DGKB: variants seen among roughly 807,000 people sequenced by gnomAD.
DGKB encodes diacylglycerol kinase beta, also known as 90 kDa diacylglycerol kinase.
Under a neutral mutation model 114.3 loss-of-function variants are expected in DGKB, and 67 were observed. That is an observed-to-expected ratio of 0.59 (90% CI 0.48 to 0.72). The LOEUF (loss-of-function observed/expected upper bound fraction) is 0.72, where lower values mean the gene tolerates loss of function less well. Among genes scored for constraint, DGKB ranks in the 30% least tolerant of loss-of-function variants. DGKB has a pLI of 0.00. For synonymous variants in DGKB, 398 were observed against 323.1 expected (o/e 1.23, Z -2.49); for missense variants, 907 against 975.2 (o/e 0.93, Z 0.93).
intron 21 of DGKB, among the ~76,000 whole-genome samples, chr7:14,446,725 A>G (rs1291037857): frequency 2.0e-5 from 3 of 152,134 alleles, no homozygotes; most frequent in Non-Finnish European, 2.9e-5. Context: ...TTCTGTCAAA[A>G]AGACTTTTGT....
chr7:14,920,835 A>T (rs541537781), intron 1 of DGKB, among the ~76,000 whole-genome samples: 2 of 150,442 alleles, frequency 1.3e-5, no homozygotes, highest in African/African-American at 2.5e-5. Context: ...ATGAGCTATG[A>T]AGCCAAGGAA....
At chr7:14,908,171 G>C (rs188756405), upstream of DGKB, among the ~76,000 whole-genome samples, 401 of 152,080 alleles carry the variant, frequency 2.6e-3, 2 homozygotes, top group African/African-American at 9.1e-3. Flanking sequence ...TTATTATTTA[G>C]ACCAATTGTT....
intron 23 of DGKB, among the ~76,000 whole-genome samples, chr7:14,306,285 C>G (rs1215606054): frequency 1.3e-5 from 2 of 151,976 alleles, no homozygotes; most frequent in East Asian, 1.9e-4. Context: ...CTTAATAATG[C>G]ATAACACCGA....
intron 9 of DGKB, among the ~76,000 whole-genome samples, chr7:14,693,286 T>G (rs1323602707): frequency 1.3e-5 from 2 of 152,162 alleles, no homozygotes; most frequent in Non-Finnish European, 2.9e-5. Flanking sequence ...TAACTATTAA[T>G]GCTGAATTTA....
chr7:14,525,917 C>T (rs945571316), intron 20 of DGKB, among the ~76,000 whole-genome samples: 70 of 152,118 alleles, frequency 4.6e-4, no homozygotes, highest in African/African-American at 1.6e-3. Context: ...AAATGGAAGG[C>T]TTAAAATTTT....
At chr7:14,352,653 T>C (rs923406578) in intron 21 of DGKB, among the ~76,000 whole-genome samples, 1 of 152,050 alleles carries the variant, frequency 6.6e-6, no homozygotes, top group Non-Finnish European at 1.5e-5. Flanking sequence ...TTTACTATTA[T>C]TGGCTCACAA....
intron 20 of DGKB, among the ~76,000 whole-genome samples, chr7:14,495,003 T>TTGA (rs1785095897): frequency 6.6e-6 from 1 of 151,828 alleles, no homozygotes. Context: ...TAGGCTAAAT[T>TTGA]TGATAGTATT....
intron 20 of DGKB, among the ~76,000 whole-genome samples, chr7:14,480,939 C>A (rs1014346272): frequency 6.6e-5 from 10 of 151,892 alleles, no homozygotes; most frequent in African/African-American, 2.4e-4. Flanking sequence ...GGTTAAATGA[C>A]ATATTTTTGA....
intron 21 of DGKB, among the ~76,000 whole-genome samples, chr7:14,393,356 A>G (rs969606252): frequency 1.3e-5 from 2 of 152,036 alleles, no homozygotes; most frequent in African/African-American, 2.4e-5. Flanking sequence ...CCAATTTTGA[A>G]CCACTATTAA....
intron 1 of DGKB, among the ~76,000 whole-genome samples, chr7:14,929,149 T>C (rs923792397): frequency 6.6e-6 from 1 of 151,988 alleles, no homozygotes; most frequent in African/African-American, 2.4e-5. Flanking sequence ...AACACTTAGG[T>C]TGATTCCATA....
chr7:14,267,008 GT>G (rs11344504), intron 23 of DGKB, among the ~76,000 whole-genome samples: 85,106 of 151,992 alleles, frequency 0.56, 26,537 homozygotes, highest in East Asian at 0.99. Flanking sequence ...GAACAAGTTG[GT>G]TTCCCCCTAG....
chr7:14,178,410 CAAAAAAA>C (rs56812836), intron 23 of DGKB, among the ~76,000 whole-genome samples: 1 of 121,840 alleles, frequency 8.2e-6, no homozygotes, highest in African/African-American at 2.6e-5. Context: ...CAAATAATAC[CAAAAAAA>C]AAAAAAAAAA....
chr7:14,237,624 T>A (rs540606000), intron 23 of DGKB, among the ~76,000 whole-genome samples: 91 of 152,114 alleles, frequency 6.0e-4, no homozygotes, highest in Non-Finnish European at 9.4e-4. Flanking sequence ...TAATTCATGC[T>A]TTTATTTTGA....
chr7:14,295,565 T>A (rs1802397337), intron 23 of DGKB, among the ~76,000 whole-genome samples: 1 of 152,012 alleles, frequency 6.6e-6, no homozygotes, highest in South Asian at 2.1e-4. Context: ...GAGACTCACC[T>A]ATTTTTTTTT....
chr7:14,192,905 G>T (rs1417501503), intron 23 of DGKB, among the ~76,000 whole-genome samples: 1 of 151,872 alleles, frequency 6.6e-6, no homozygotes, highest in Non-Finnish European at 1.5e-5. Context: ...TCAGGTGTTA[G>T]ATTCACATAC....
intron 1 of DGKB, among the ~76,000 whole-genome samples, chr7:14,871,380 G>A (rs1213611719): frequency 6.6e-6 from 1 of 152,148 alleles, no homozygotes; most frequent in Non-Finnish European, 1.5e-5. Flanking sequence ...GCTGGTGGGG[G>A]TTGACAAAAT....
chr7:14,826,607 A>G (rs1221241465), intron 2 of DGKB, among the ~76,000 whole-genome samples: 1 of 152,144 alleles, frequency 6.6e-6, no homozygotes. Context: ...AAGAGCATGG[A>G]TTCTGGAAAC....
At chr7:14,929,431 G>A (rs530591437) in intron 1 of DGKB, among the ~76,000 whole-genome samples, 4 of 152,172 alleles carry the variant, frequency 2.6e-5, no homozygotes, top group African/African-American at 9.6e-5. Flanking sequence ...CATTCTGATC[G>A]GAGTAAGGTT....
intron 6 of DGKB, among the ~76,000 whole-genome samples, chr7:14,713,878 T>G: frequency 6.6e-6 from 1 of 152,218 alleles, no homozygotes; most frequent in South Asian, 2.1e-4. Context: ...TCTTGTTAAA[T>G]AATTGATAAC....
Sources: gnomAD v4.1 joint callset for allele counts (sites outside exome capture counted in the v4.1 genomes callset) on GRCh38, gnomAD v4.1.1 for gene constraint, MANE v1.5 for transcripts, NCBI Gene and HGNC (gene_info 2026-07-23, HGNC 2026-07-21) for gene names.